CFAP47: variants seen among roughly 807,000 people sequenced by gnomAD.
CFAP47 encodes cilia- and flagella-associated protein 47.
A neutral mutation model predicts 148.1 loss-of-function variants in CFAP47; 29 were observed. The ratio of observed to expected loss-of-function variants is 0.20; its 90% confidence interval spans 0.15 to 0.27. The LOEUF (loss-of-function observed/expected upper bound fraction) is 0.27, where lower values mean the gene tolerates loss of function less well. Among genes scored for constraint, CFAP47 ranks in the 10% least tolerant of loss-of-function variants. CFAP47 has a pLI of 1.00. For missense variants in CFAP47, 1,872 were observed against 1,697.5 expected (o/e 1.10, Z -1.81); for synonymous variants, 664 against 577.3 (o/e 1.15, Z -2.15).
chrX:36,202,348 C>T lies in CFAP47; in HGVS notation c.6663+848C>T, dbSNP rs376582814. On this transcript the variant is annotated intron_variant, in intron 44 of 63. Transcript: ENST00000378653. ...TTCCAGCTAACGTTTGTTAAAAGCC[C>T]ATATCCTTTGGATGATCTACATGAC... 5.1e-4 allele frequency among the ~76,000 whole-genome samples: 57 copies of T among 111,471 alleles called. No homozygotes were observed. The East Asian group carries it at 0.014, about 28-fold the overall frequency.
chrX:36,175,907 C>T (rs113682190), intron 39 of CFAP47, among the ~76,000 whole-genome samples: 18 of 113,109 alleles, frequency 1.6e-4, no homozygotes, highest in African/African-American at 2.9e-4. Flanking sequence ...GCCTCGCTGC[C>T]GCCTTGCAGT....
intron 48 of CFAP47, among the ~76,000 whole-genome samples, chrX:36,240,322 TAA>T (rs782518220): frequency 2.7e-5 from 3 of 111,840 alleles, no homozygotes; most frequent in Non-Finnish European, 5.6e-5. Context: ...ATTACTAGAC[TAA>T]GACTTTAAAT....
At chrX:35,945,103 G>C (rs1936066096) in intron 3 of CFAP47, among the ~76,000 whole-genome samples, 1 of 111,360 alleles carries the variant, frequency 9.0e-6, no homozygotes, top group African/African-American at 3.3e-5. Context: ...TACTATCTGG[G>C]AGGCCCTGGG....
At chrX:36,354,153 G>A (rs190413182) in intron 60 of CFAP47, among the ~76,000 whole-genome samples, 50 of 111,385 alleles carry the variant, frequency 4.5e-4, no homozygotes, top group Non-Finnish European at 8.1e-4. Flanking sequence ...AATGCTTCAC[G>A]TATTTAATGT....
At chrX:36,190,457 T>A (rs1220567325) in intron 42 of CFAP47, among the ~76,000 whole-genome samples, 1 of 112,680 alleles carries the variant, frequency 8.9e-6, no homozygotes. Context: ...TCCATAGCTT[T>A]GTAACAAATT....
intron 3 of CFAP47, among the ~76,000 whole-genome samples, chrX:35,946,073 A>C (rs1936081209): frequency 1.8e-5 from 2 of 109,435 alleles, no homozygotes; most frequent in South Asian, 8.0e-4. Flanking sequence ...GGGTTTCACT[A>C]TGTTGACCAG....
chrX:35,942,632 C>G (rs917656551), intron 3 of CFAP47, among the ~76,000 whole-genome samples: 2 of 111,390 alleles, frequency 1.8e-5, no homozygotes, highest in African/African-American at 3.3e-5. Flanking sequence ...TTTCTTTTAA[C>G]TGTTGTATAT....
At chrX:36,371,931 C>CACACATGTGTATATGTGTGTGTATATAT (rs1941969390) in intron 62 of CFAP47, among the ~76,000 whole-genome samples, 1 of 87,092 alleles carries the variant, frequency 1.1e-5, no homozygotes, top group African/African-American at 4.8e-5. Flanking sequence ...TGTGTATATA[C>CACACATGTGTATATGTGTGTGTATATAT]ACACATGTGT....
At chrX:36,208,283 A>G (rs1310587232) in intron 45 of CFAP47, among the ~76,000 whole-genome samples, 1 of 111,746 alleles carries the variant, frequency 8.9e-6, no homozygotes, top group Non-Finnish European at 1.9e-5. Flanking sequence ...ACGTAATTGT[A>G]AATATGTAGA....
rs782516081 is a variant in CFAP47 at position 36,288,965 on chromosome X, A to C, written c.7686+3239A>C. Among the ~76,000 whole-genome samples the C allele has an allele frequency of 8.5e-5, 8 of 94,075 alleles. No individual in the cohort carries two copies. The South Asian group carries it at 1.9e-3, about 22-fold the overall frequency. The allele number at this position is 94,075 out of a possible 115,157, so 81.7% of individuals were successfully genotyped here. A position where few individuals can be genotyped will look rare whatever the true frequency, so the allele number is the denominator to read the frequency against. On this transcript the variant is annotated intron_variant, in intron 51 of 63. Coordinates refer to ENST00000378653, the MANE Select transcript of CFAP47 (RefSeq NM_001304548.2). Reference sequence around the variant, plus strand: ...TCCATAAATTCAAAAATATATTTTGAGTTACTGTTTTCAATGTATTTTCTT... The same window carrying C: ...TCCATAAATTCAAAAATATATTTTGCGTTACTGTTTTCAATGTATTTTCTT...
chrX:36,353,811 CA>C, intron 60 of CFAP47, 130 bp downstream of exon 60: 1 of 478,813 alleles, frequency 2.1e-6, no homozygotes, highest in Non-Finnish European at 3.4e-6. Flanking sequence ...TACTTATTCA[CA>C]TAGTGCTTAA....
intron 44 of CFAP47, among the ~76,000 whole-genome samples, chrX:36,202,209 A>G (rs977780063): frequency 7.2e-5 from 8 of 111,412 alleles, no homozygotes; most frequent in East Asian, 2.8e-4. Flanking sequence ...ATAAGGTACA[A>G]TCTATTTTTA....
intron 59 of CFAP47, among the ~76,000 whole-genome samples, chrX:36,350,644 T>C (rs2146985001): frequency 9.0e-6 from 1 of 110,789 alleles, no homozygotes; most frequent in East Asian, 2.8e-4. Context: ...ATCTCTGCCC[T>C]TAAATGCCTT....
At chrX:36,311,130 A>G (rs998009880) in intron 56 of CFAP47, 141 bp downstream of exon 56, 73 of 378,525 alleles carry the variant, frequency 1.9e-4, no homozygotes, top group Admixed American at 2.8e-4. Flanking sequence ...AGAAAACAAG[A>G]TTTGAGAGAC....
At chrX:36,340,028 T>A (rs1941639779) in intron 57 of CFAP47, among the ~76,000 whole-genome samples, 1 of 112,103 alleles carries the variant, frequency 8.9e-6, no homozygotes, top group African/African-American at 3.2e-5. Flanking sequence ...CTTCTTCGGA[T>A]AACCTTCTAT....
chrX:35,941,562 G>A (rs1275212178), intron 3 of CFAP47, among the ~76,000 whole-genome samples, 164 bp downstream of exon 3: 1 of 111,529 alleles, frequency 9.0e-6, no homozygotes, highest in East Asian at 2.8e-4. Context: ...AAGACTGATA[G>A]GCAACAATTC....
intron 48 of CFAP47, among the ~76,000 whole-genome samples, chrX:36,240,186 T>C (rs1940524616): frequency 9.0e-6 from 1 of 111,569 alleles, no homozygotes; most frequent in African/African-American, 3.3e-5. Context: ...AAAAAGTAGT[T>C]TTCAATAAGA....
intron 62 of CFAP47, chrX:36,375,319 C>T (rs1362680373): frequency 4.2e-5 from 6 of 144,076 alleles, no homozygotes; most frequent in South Asian, 1.7e-4. Context: ...TTAATTTCCA[C>T]GTATTTGTGA....
intron 22 of CFAP47, among the ~76,000 whole-genome samples, chrX:36,023,050 A>G (rs1303728394): frequency 8.9e-6 from 1 of 111,773 alleles, no homozygotes; most frequent in African/African-American, 3.3e-5. Flanking sequence ...TGGGCATTCA[A>G]GAGTTATGTA....
Sources: allele counts gnomAD v4.1 joint callset (sites outside exome capture counted in the v4.1 genomes callset), GRCh38; gene constraint gnomAD v4.1.1; transcripts MANE v1.5; gene names NCBI Gene and HGNC (gene_info 2026-07-23, HGNC 2026-07-21).